Variants in EVL observed in about 807,000 individuals in gnomAD.
EVL encodes the protein ena/VASP-like protein.
EVL carries 21 observed loss-of-function variants against 59.6 expected under a neutral mutation model. The ratio of observed to expected loss-of-function variants is 0.35; its 90% CI spans 0.25 to 0.51. The LOEUF (loss-of-function observed/expected upper bound fraction) is 0.51. EVL is among the 20% of genes least tolerant of loss of function. The pLI, the probability that EVL is intolerant of heterozygous loss-of-function variation, is 0.97. For synonymous variants in EVL, 198 were observed against 203.5 expected, an observed-to-expected ratio of 0.97 and a Z score of 0.23; for missense variants, 462 against 546.6, an observed-to-expected ratio of 0.85 and a Z score of 1.54.
chr14:100,016,612 A>C (rs2061053089), intron 1 of EVL, among the ~76,000 whole-genome samples: 1 of 152,228 alleles, frequency 6.6e-6, no homozygotes, highest in East Asian at 1.9e-4. Flanking sequence ...ACAACAACAA[A>C]AAAACACATT....
intron 3 of EVL, among the ~76,000 whole-genome samples, chr14:100,104,748 T>C (rs1359853951): frequency 6.6e-6 from 1 of 152,190 alleles, no homozygotes; most frequent in Non-Finnish European, 1.5e-5. Flanking sequence ...AGAAAGAGTT[T>C]CCTTGGATGA....
intron 2 of EVL, among the ~76,000 whole-genome samples, chr14:100,091,466 TA>T (rs1262725509): frequency 6.6e-6 from 1 of 152,174 alleles, no homozygotes; most frequent in Non-Finnish European, 1.5e-5. Flanking sequence ...ACCCATCCAG[TA>T]AAGTCTCCAT....
At chr14:100,141,650 C>CCAA (rs1281896460) in intron 12 of EVL, 86 bp from the exon 13 acceptor site, 1 of 1,355,980 alleles carries the variant, frequency 7.4e-7, no homozygotes, top group Non-Finnish European at 1.0e-6. Flanking sequence ...CCAGGAGACC[C>CCAA]CAAGCCCTTT....
At chr14:100,000,534 A>G (rs1438618769) in intron 1 of EVL, among the ~76,000 whole-genome samples, 2 of 151,848 alleles carry the variant, frequency 1.3e-5, no homozygotes, top group Non-Finnish European at 2.9e-5. Flanking sequence ...TTTTTAGTAA[A>G]GACGGGGTTT....
chr14:100,054,113 G>A (rs1398098921), intron 1 of EVL, among the ~76,000 whole-genome samples: 7 of 141,200 alleles, frequency 5.0e-5, no homozygotes, highest in Non-Finnish European at 1.1e-4. Flanking sequence ...GGAGTGCAGT[G>A]GCGTGATCCC....
chr14:100,128,386 G>T lies in EVL; in HGVS notation c.488-133G>T. On this transcript the variant is annotated intron_variant, in intron 5 of 13. Transcript: ENST00000392920. Reference sequence around the variant, plus strand: ...CGCGGAGGCTTCCTGGATGAAGCAGGCCTGGAGCTGTTTCTCATCCCTTTG... The same window carrying T: ...CGCGGAGGCTTCCTGGATGAAGCAGTCCTGGAGCTGTTTCTCATCCCTTTG... 3.4e-6 allele frequency: 3 copies of T among 884,442 alleles called. No homozygotes were observed. The Admixed American group carries it at 5.1e-5, about 15-fold the overall frequency. The allele number at this position is 884,442 out of a possible 1,614,324, so 54.8% of individuals were successfully genotyped here.
intron 3 of EVL, among the ~76,000 whole-genome samples, chr14:100,120,328 A>G (rs1241263148): frequency 2.0e-5 from 3 of 152,190 alleles, no homozygotes; most frequent in Non-Finnish European, 4.4e-5. Context: ...GTGGAATATG[A>G]ACTAAGTGTC....
At chr14:100,066,223 A>G (rs1344760068) in intron 1 of EVL, among the ~76,000 whole-genome samples, 2 of 152,244 alleles carry the variant, frequency 1.3e-5, no homozygotes, top group African/African-American at 2.4e-5. Context: ...TTTAGCATAA[A>G]GTAACAATCC....
chr14:100,004,597 C>CGGTG, intron 1 of EVL, among the ~76,000 whole-genome samples: 1 of 152,102 alleles, frequency 6.6e-6, no homozygotes, highest in East Asian at 1.9e-4. Flanking sequence ...TTACATACAC[C>CGGTG]ATTCATGACA....
intron 9 of EVL, chr14:100,137,233 A>C: frequency 3.0e-6 from 1 of 333,526 alleles, no homozygotes; most frequent in Non-Finnish European, 5.6e-6. Context: ...CCTGGCCGCC[A>C]CACCACACGT....
intron 3 of EVL, among the ~76,000 whole-genome samples, chr14:100,111,297 C>T (rs1042477049): frequency 1.3e-5 from 2 of 152,010 alleles, no homozygotes; most frequent in Non-Finnish European, 2.9e-5. Context: ...GCTGGGACTA[C>T]AGGCATGCGC....
intron 1 of EVL, among the ~76,000 whole-genome samples, chr14:100,016,939 A>G (rs780678311): frequency 1.3e-5 from 2 of 152,190 alleles, no homozygotes; most frequent in Non-Finnish European, 2.9e-5. Context: ...TCAGTGTCCT[A>G]CCGCCTCTGC....
intron 1 of EVL, among the ~76,000 whole-genome samples, chr14:99,982,122 G>C (rs962636659): frequency 1.3e-5 from 2 of 152,154 alleles, no homozygotes; most frequent in Admixed American, 1.3e-4. Flanking sequence ...CATTGATCCT[G>C]CTCTTTACAG....
chr14:99,995,635 C>T (rs991827639), intron 1 of EVL, among the ~76,000 whole-genome samples: 4 of 152,066 alleles, frequency 2.6e-5, no homozygotes, highest in Admixed American at 6.6e-5. Flanking sequence ...TTTGATTGGG[C>T]CATGTTTCCC....
At chr14:99,976,023 A>G (rs912100660) in intron 1 of EVL, among the ~76,000 whole-genome samples, 1 of 151,640 alleles carries the variant, frequency 6.6e-6, no homozygotes, top group Non-Finnish European at 1.5e-5. Flanking sequence ...ATTATTTTTA[A>G]ATTTCTTTTT....
intron 1 of EVL, among the ~76,000 whole-genome samples, chr14:100,043,605 C>CTT (rs540453599): frequency 8.6e-5 from 11 of 127,228 alleles, no homozygotes; most frequent in African/African-American, 2.7e-4. Context: ...TTTCCTCTGC[C>CTT]TTTTTTTTTT....
chr14:100,135,401 T>C (rs1459832944), intron 8 of EVL: 1 of 153,414 alleles, frequency 6.5e-6, no homozygotes, highest in Non-Finnish European at 1.5e-5. Flanking sequence ...ATCAGTGGCA[T>C]GTTCCTGATG....
chr14:100,059,994 A>T (rs2061796283), intron 1 of EVL, among the ~76,000 whole-genome samples: 1 of 152,248 alleles, frequency 6.6e-6, no homozygotes, highest in Admixed American at 6.5e-5. Context: ...AAAAGCAGTC[A>T]GTAGACCCTG....
intron 2 of EVL, among the ~76,000 whole-genome samples, chr14:100,091,061 C>T (rs1347862339): frequency 6.6e-6 from 1 of 152,134 alleles, no homozygotes; most frequent in East Asian, 1.9e-4. Context: ...GTGATATTAT[C>T]ATATATGTAT....
Sources: allele counts gnomAD v4.1 joint callset (sites outside exome capture counted in the v4.1 genomes callset), GRCh38; gene constraint gnomAD v4.1.1; transcripts MANE v1.5; gene names NCBI Gene and HGNC (gene_info 2026-07-23, HGNC 2026-07-21).